SPAG17: variants seen among roughly 807,000 people sequenced by gnomAD.
SPAG17 encodes the protein sperm associated antigen 17.
SPAG17 carries 169 observed loss-of-function variants against 273.6 expected under a neutral mutation model. That is an observed-to-expected ratio of 0.62 (90% CI 0.55 to 0.70). The LOEUF is 0.70. SPAG17 is among the 30% of genes least tolerant of loss of function. The pLI, the probability that SPAG17 is intolerant of heterozygous loss-of-function variation, is 0.00. For missense variants in SPAG17, 2,557 were observed against 2,627.8 expected (o/e 0.97, Z 0.59); for synonymous variants, 825 against 873.2 (o/e 0.94, Z 0.97).
intron 8 of SPAG17, 77 bp downstream of exon 8, chr1:118,093,079 C>A: frequency 1.4e-6 from 2 of 1,455,208 alleles, no homozygotes; most frequent in Middle Eastern, 1.9e-4. Context: ...ACTTTTTCTT[C>A]ATATGCCTTA....
rs141312389 is a variant in SPAG17 at position 118,133,170 on chromosome 1, G to A, written c.315+17373C>T. 1.5e-4 allele frequency among the ~76,000 whole-genome samples: 23 copies of A among 152,210 alleles called. No individual in the cohort carries two copies. In the South Asian group the frequency reaches 2.1e-3, roughly 14 times the overall value. On this transcript the variant is annotated intron_variant, in intron 3 of 48. Coordinates refer to ENST00000336338, the MANE Select transcript of SPAG17 (RefSeq NM_206996.4). ...ATCCTGAAGGCATGAATATCCTCCA[G>A]CAACTAGAACAGTGGCCAGCACAAG... is the stretch of plus-strand genomic sequence containing the variant.
intron 20 of SPAG17, among the ~76,000 whole-genome samples, chr1:118,051,360 T>C (rs10923481): frequency 0.064 from 9,662 of 152,080 alleles, 514 homozygotes; most frequent in East Asian, 0.31. Context: ...GAATTAGAAA[T>C]ACCATATGAT....
At chr1:118,083,615 T>C (rs1570660129) in intron 13 of SPAG17, among the ~76,000 whole-genome samples, 1 of 152,018 alleles carries the variant, frequency 6.6e-6, no homozygotes, top group African/African-American at 2.4e-5. Context: ...TGAAAGCCCA[T>C]CTCTACTAAA....
chr1:118,080,966 T>C (rs1255673461), intron 15 of SPAG17, 135 bp downstream of exon 15: 37 of 689,158 alleles, frequency 5.4e-5, no homozygotes, highest in Non-Finnish European at 9.1e-5. Context: ...GGAACAACAA[T>C]ACTCAGTAAG....
rs370496558 is a variant in SPAG17, at chr1:118,088,294, G to A, written c.1360-1286C>T. Reference sequence around the variant, plus strand: ...ACTGGTTGACTTCTATTTGTTAGGCGCCGAGCTCATTAACTGTCTTCTTTG... The same window carrying A: ...ACTGGTTGACTTCTATTTGTTAGGCACCGAGCTCATTAACTGTCTTCTTTG... On this transcript the variant is annotated intron_variant, in intron 10 of 48. Transcript: ENST00000336338. 2.8e-4 allele frequency among the ~76,000 whole-genome samples: 42 copies of A among 152,152 alleles called. No homozygotes were observed. In the South Asian group the frequency reaches 8.3e-3, roughly 30 times the overall value.
At chr1:118,145,807 T>C (rs1377615953) in intron 3 of SPAG17, among the ~76,000 whole-genome samples, 3 of 152,174 alleles carry the variant, frequency 2.0e-5, no homozygotes, top group Non-Finnish European at 4.4e-5. Context: ...GTACAGAAAC[T>C]TGGAAAATTG....
chr1:118,144,435 T>A lies in SPAG17; in HGVS notation c.315+6108A>T, dbSNP rs533738616. ...TTCTCCTCTTCTTTCCTTCTTCGGG[T>A]AAGAAATGCCTCCAAAACCCAGATT... On this transcript the variant is annotated intron_variant, in intron 3 of 48. Transcript: ENST00000336338. 1.7e-3 allele frequency among the ~76,000 whole-genome samples: 265 copies of A among 152,316 alleles called. 1 individual carries two copies. The highest frequency in any genetic ancestry group is 0.017 in the Middle Eastern group (5 of 294).
chr1:118,073,825 T>A, intron 17 of SPAG17, 29 bp downstream of exon 17: 1 of 1,482,758 alleles, frequency 6.7e-7, no homozygotes. Context: ...TATCTGACCG[T>A]CTCCTAGAGA....
rs1168084056 is a variant in SPAG17 at position 118,028,369 on chromosome 1, A to C, written c.3635T>G (p.Val1212Gly). The C allele has an allele frequency of 1.9e-6, 3 of 1,613,732 alleles. No individual in the cohort carries two copies. In the Admixed American group the frequency reaches 5.0e-5, roughly 27 times the overall value. The change falls in exon 26 of 49, where the codon GTT becomes GGT. Residue 1212 changes from valine (V) to glycine (G), a missense_variant. Transcript: ENST00000336338. ...GGGAACATCCAAAGTCTCTTGTAAA[A>C]CAGGTTCTGGTTCTACTTCTTCTTC... ...KKEEEVEPEP[V>G]LQETLDVPTF...
chr1:118,025,313 G>A lies in SPAG17; in HGVS notation c.3834C>T (p.Pro1278=), dbSNP rs184032596. The change falls in exon 27 of 49, where the codon CCC becomes CCT. Residue 1278 remains proline (P), a synonymous_variant. Coordinates refer to ENST00000336338, the MANE Select transcript of SPAG17 (RefSeq NM_206996.4). Reference sequence around the variant, plus strand: ...TAACCCTTGAAGCCTCCTGCTCTGCGGGTGGCATCACCGTTTTATAGAACT... The same window carrying A: ...TAACCCTTGAAGCCTCCTGCTCTGCAGGTGGCATCACCGTTTTATAGAACT... The part of the protein sequence containing the change: ...HYEFYKTVMP[P]AEQEASRVIT... 1.6e-5 allele frequency: 26 copies of A among 1,613,548 alleles called. No individual in the cohort carries two copies. The highest frequency in any genetic ancestry group is 5.3e-5 in the African/African-American group (4 of 74,962).
chr1:117,957,509 A>G (rs1652390881), intron 48 of SPAG17, among the ~76,000 whole-genome samples: 1 of 152,206 alleles, frequency 6.6e-6, no homozygotes, highest in Non-Finnish European at 1.5e-5. Context: ...CAATCTTAAG[A>G]TAGCTCTGGT....
At chr1:117,978,150 C>T (rs892064067) in intron 43 of SPAG17, among the ~76,000 whole-genome samples, 1 of 152,210 alleles carries the variant, frequency 6.6e-6, no homozygotes, top group African/African-American at 2.4e-5. Flanking sequence ...CTCTCACCAA[C>T]ACTTCACCTT....
chr1:118,043,575 T>C (rs1650016182), intron 20 of SPAG17, among the ~76,000 whole-genome samples: 1 of 152,230 alleles, frequency 6.6e-6, no homozygotes, highest in African/African-American at 2.4e-5. Context: ...CAACATTATA[T>C]AATGGTGTGC....
chr1:118,025,434 CCTT>C lies in SPAG17; in HGVS notation c.3731-21_3731-19del, dbSNP rs774870271. On this transcript the variant is annotated intron_variant, in intron 26 of 48. Coordinates refer to ENST00000336338, the MANE Select transcript of SPAG17 (RefSeq NM_206996.4). The stretch of plus-strand genomic sequence containing the variant: ...ATATTGACCTAAAAAAAGAATAAAG[CCTT>C]CTTGTGAACTGGACAATGCTGCAGG... 41 of 1,507,624 alleles carry C rather than the reference CCTT, an allele frequency of 2.7e-5. No homozygotes were observed. Among genetic ancestry groups the C allele is most frequent in the Non-Finnish European group, 3.6e-5 (41 of 1,129,012 alleles). 93.4% of individuals were successfully genotyped at this position (1,507,624 alleles called of 1,614,324 possible).
intron 1 of SPAG17, among the ~76,000 whole-genome samples, chr1:118,162,975 T>A (rs951686308): frequency 1.3e-5 from 2 of 152,166 alleles, no homozygotes; most frequent in African/African-American, 4.8e-5. Flanking sequence ...GATAAATAGA[T>A]ACATAGGCTA....
At chr1:117,994,265 T>C in intron 35 of SPAG17, 141 bp downstream of exon 35, 1 of 828,698 alleles carries the variant, frequency 1.2e-6, no homozygotes, top group East Asian at 3.1e-5. Flanking sequence ...AATCTTCAAA[T>C]ATAAAACTCC....
At chr1:118,028,417 A>G (rs1282066588) in intron 25 of SPAG17, 23 bp from the exon 26 acceptor site, 1 of 1,610,900 alleles carries the variant, frequency 6.2e-7, no homozygotes, top group Non-Finnish European at 8.5e-7. Flanking sequence ...CAGCATGTGA[A>G]TAATGGGCTG....
intron 20 of SPAG17, among the ~76,000 whole-genome samples, chr1:118,045,581 A>C (rs1405913174): frequency 6.6e-6 from 1 of 152,194 alleles, no homozygotes; most frequent in Non-Finnish European, 1.5e-5. Flanking sequence ...ATAAACCAGA[A>C]TAGTAAGCAC....
chr1:118,066,658 G>T, intron 18 of SPAG17, 87 bp downstream of exon 18: 1 of 1,106,820 alleles, frequency 9.0e-7, no homozygotes, highest in Non-Finnish European at 1.3e-6. Flanking sequence ...CTAGCTTAGG[G>T]TAAGGAACTA....
Sources: gnomAD v4.1 joint callset for allele counts (sites outside exome capture counted in the v4.1 genomes callset) on GRCh38, gnomAD v4.1.1 for gene constraint, MANE v1.5 for transcripts, NCBI Gene and HGNC (gene_info 2026-07-23, HGNC 2026-07-21) for gene names.